Variants in CCDC88C observed in about 807,000 individuals in gnomAD.
The protein encoded by CCDC88C is coiled-coil and HOOK domain protein 88C.
In CCDC88C, 131 loss-of-function variants were observed where a neutral mutation model predicts 198.8. That is an observed-to-expected ratio of 0.66 (90% CI 0.57 to 0.76). CCDC88C has a LOEUF of 0.76. Ranked by LOEUF, CCDC88C falls within the 30% of genes least tolerant of loss-of-function variation. CCDC88C has a pLI of 0.00. For synonymous variants in CCDC88C, 1,166 were observed against 1,114.7 expected, an observed-to-expected ratio of 1.05 and a Z score of -0.92; for missense variants, 2,553 against 2,631.6, an observed-to-expected ratio of 0.97 and a Z score of 0.65.
chr14:91,339,283 C>T lies in CCDC88C; in HGVS notation c.804G>A (p.Gln268=), dbSNP rs751624196. The T allele has an allele frequency of 6.2e-7, 1 of 1,612,372 alleles. No individual in the cohort carries two copies. The highest frequency in any genetic ancestry group is 1.3e-5 in the African/African-American group (1 of 74,882). Residue 268 remains glutamine (Q), a synonymous_variant, in exon 8 of 30, where the codon CAG becomes CAA. Transcript: ENST00000389857. This position sits in a 1 kb window ranked among gnomAD's most constrained non-coding sequence, Gnocchi z 5.8. ...DTKARLRRVR[Q]ELEDKTEQLV... ...AGAAGCAGCCGGGGACTCACAGCTC[C>T]TGCCTGACGCGCCGCAGCCTGGCCT... is the stretch of plus-strand genomic sequence containing the variant.
intron 4 of CCDC88C, among the ~76,000 whole-genome samples, chr14:91,344,853 G>C (rs1311737709): frequency 6.6e-6 from 1 of 150,610 alleles, no homozygotes; most frequent in Non-Finnish European, 1.5e-5. Flanking sequence ...TTGGGGTATA[G>C]TGGTGCAATC....
Position 91,273,158 on chromosome 14 carries a change from T to TG in CCDC88C, c.5553dup (p.Ser1852GlnfsTer4). 1.3e-6 allele frequency: 2 copies of TG among 1,581,196 alleles called. No individual in the cohort carries two copies. The highest frequency in any genetic ancestry group is 8.6e-7 in the Non-Finnish European group (1 of 1,164,028). On this transcript the variant is annotated frameshift_variant, in exon 30 of 30. Coordinates refer to ENST00000389857, the MANE Select transcript of CCDC88C (RefSeq NM_001080414.4). LOFTEE classifies it low-confidence loss of function (END_TRUNC). The surrounding 1 kb of genome is among the most constrained non-coding windows in gnomAD (Gnocchi z 5.6). The stretch of plus-strand genomic sequence containing the variant: ...CGCTCCCGGGCCAGGCTATGGGAGC[T>TG]GGGGGGTGCGGGGCTTTGCAGGGTG...
In CCDC88C at chr14:91,359,821, G is replaced by A. The variant is rs548020588; in HGVS notation, c.271-110C>T. ...CCCCGGACGGGTGCACAGCCATCCC[G>A]TGGTGACTACGAAGGAGCTAAAATG... On this transcript the variant is annotated intron_variant, in intron 3 of 29. Transcript: ENST00000389857. The A allele has an allele frequency of 2.9e-5, 27 of 946,428 alleles. No homozygotes were observed. In the East Asian group the frequency reaches 5.3e-4, roughly 18 times the overall value. 58.6% of individuals were successfully genotyped at this position (946,428 alleles called of 1,614,324 possible). A position where few individuals can be genotyped will look rare whatever the true frequency, so the allele number is the denominator to read the frequency against.
chr14:91,293,596 T>C (rs74086364), intron 23 of CCDC88C, among the ~76,000 whole-genome samples: 3,803 of 18,976 alleles, frequency 0.2, 459 homozygotes, highest in Middle Eastern at 0.31. Context: ...TCGCCTGCCA[T>C]GGCCCACCTC....
At chr14:91,300,605 C>A (rs1891231959) in intron 20 of CCDC88C, among the ~76,000 whole-genome samples, 1 of 152,184 alleles carries the variant, frequency 6.6e-6, no homozygotes, top group South Asian at 2.1e-4. Context: ...AGAGGCTCAC[C>A]CAGGAGCTGC....
intron 3 of CCDC88C, chr14:91,378,770 T>C (rs909059636): frequency 7.2e-5 from 11 of 152,254 alleles, no homozygotes; most frequent in African/African-American, 2.7e-4. Flanking sequence ...TTTTTACTAA[T>C]ATTTATGATA....
chr14:91,326,046 T>C lies in CCDC88C; in HGVS notation c.1061A>G (p.Glu354Gly). 1 of 1,609,254 alleles carries C rather than the reference T, an allele frequency of 6.2e-7. No homozygotes were observed. The highest frequency in any genetic ancestry group is 1.1e-5 in the South Asian group (1 of 90,078). ...GGTTTCAATTAAAATGATATTATCT[T>C]CTCTCAGCTCCTGGTTAGCAAAAAC... Reference protein sequence around the residue: ...FYKARMEELREDNIILIETKA... With the variant: ...FYKARMEELRGDNIILIETKA... The change falls in exon 11 of 30, where the codon GAA (glutamate) becomes GGA (glycine). Residue 354 changes from glutamate to glycine, a missense_variant. Transcript: ENST00000389857.
At chr14:91,360,604 T>C (rs900549760) in intron 3 of CCDC88C, among the ~76,000 whole-genome samples, 1 of 152,200 alleles carries the variant, frequency 6.6e-6, no homozygotes, top group Admixed American at 6.5e-5. Context: ...AAGCGAGGGA[T>C]ACATCAGAGC....
At chr14:91,282,917 A>G (rs1890254932) in intron 26 of CCDC88C, among the ~76,000 whole-genome samples, 1 of 152,214 alleles carries the variant, frequency 6.6e-6, no homozygotes, top group South Asian at 2.1e-4. Flanking sequence ...TAAAATACAC[A>G]TACACACACT....
chr14:91,360,832 G>C (rs947659760), intron 3 of CCDC88C, among the ~76,000 whole-genome samples: 1 of 152,160 alleles, frequency 6.6e-6, no homozygotes, highest in African/African-American at 2.4e-5. Flanking sequence ...GATGCAGGAC[G>C]TTGTTCACAA....
intron 3 of CCDC88C, among the ~76,000 whole-genome samples, chr14:91,401,979 C>T (rs1200724439): frequency 6.6e-6 from 1 of 152,164 alleles, no homozygotes; most frequent in Non-Finnish European, 1.5e-5. Context: ...CTTCTATTCT[C>T]GCTTTTGACA....
chr14:91,344,186 A>G (rs1478049156), intron 4 of CCDC88C, among the ~76,000 whole-genome samples: 8 of 152,232 alleles, frequency 5.3e-5, no homozygotes, highest in Admixed American at 4.6e-4. Flanking sequence ...CCATTCAAAT[A>G]TGTCGTAAGT....
chr14:91,347,640 T>C (rs1227076548), intron 4 of CCDC88C, among the ~76,000 whole-genome samples: 1 of 152,050 alleles, frequency 6.6e-6, no homozygotes, highest in Non-Finnish European at 1.5e-5. Context: ...TGAGATACCA[T>C]CTCACACCAG....
At chr14:91,356,976 A>G (rs1036372643) in intron 4 of CCDC88C, among the ~76,000 whole-genome samples, 8 of 152,232 alleles carry the variant, frequency 5.3e-5, no homozygotes, top group African/African-American at 9.6e-5. Flanking sequence ...GGATGCGTTT[A>G]ATATTAGGTT....
Position 91,297,373 on chromosome 14 carries a change from AGCGGGCCTGCCAGC to A in CCDC88C, c.3884_3897del (p.Arg1295LeufsTer23). 1 of 1,613,542 alleles carries A rather than the reference AGCGGGCCTGCCAGC, an allele frequency of 6.2e-7. No individual in the cohort carries two copies. Among genetic ancestry groups the A allele is most frequent in the Non-Finnish European group, 8.5e-7 (1 of 1,179,754 alleles). The stretch of plus-strand genomic sequence containing the variant: ...TGGTGCTGCTCCTTCAGCTCGTCGA[AGCGGGCCTGCCAGC>A]GGTTGAGCTCCAGCTGCGCGTTGTT... On this transcript the variant is annotated frameshift_variant, in exon 22 of 30. Transcript: ENST00000389857. LOFTEE classifies it high-confidence loss of function.
At chr14:91,281,228 G>T in intron 27 of CCDC88C, 1 of 1,147,408 alleles carries the variant, frequency 8.7e-7, no homozygotes, top group Non-Finnish European at 1.2e-6. Context: ...AGAGGTCGGT[G>T]CTTCCAGAAC....
intron 3 of CCDC88C, among the ~76,000 whole-genome samples, chr14:91,367,878 T>C (rs1283116758): frequency 6.6e-6 from 1 of 152,164 alleles, no homozygotes; most frequent in Non-Finnish European, 1.5e-5. Flanking sequence ...GATTACCACC[T>C]GCCAGACCCT....
chr14:91,337,154 C>A (rs1251403338), intron 10 of CCDC88C, among the ~76,000 whole-genome samples: 1 of 152,188 alleles, frequency 6.6e-6, no homozygotes, highest in African/African-American at 2.4e-5. Context: ...GGTGAGTGGT[C>A]AAAGCATCAG....
intron 3 of CCDC88C, among the ~76,000 whole-genome samples, chr14:91,361,636 G>A (rs1053218617): frequency 1.2e-4 from 18 of 152,192 alleles, no homozygotes; most frequent in African/African-American, 2.4e-4. Context: ...ACATGTCACC[G>A]TGTCAGCAAC....
Sources: allele counts gnomAD v4.1 joint callset (sites outside exome capture counted in the v4.1 genomes callset), GRCh38; gene constraint gnomAD v4.1.1; non-coding constraint Gnocchi (gnomAD v3.1); transcripts MANE v1.5; gene names NCBI Gene and HGNC (gene_info 2026-07-23, HGNC 2026-07-21).